Variants in CPNE4 observed in about 807,000 individuals in gnomAD.
CPNE4 encodes copine 4.
CPNE4 carries 25 observed loss-of-function variants against 67.9 expected under a neutral mutation model. The ratio of observed to expected loss-of-function variants is 0.37; its 90% CI spans 0.27 to 0.51. The LOEUF is 0.51. Among genes scored for constraint, CPNE4 ranks in the 20% least tolerant of loss-of-function variants. CPNE4 has a pLI of 0.93. For synonymous variants in CPNE4, 242 were observed against 244.9 expected (o/e 0.99, Z 0.11); for missense variants, 464 against 690.8 (o/e 0.67, Z 3.68).
intron 6 of CPNE4, among the ~76,000 whole-genome samples, chr3:131,679,381 C>A (rs115837438): frequency 1.3e-5 from 2 of 151,894 alleles, no homozygotes; most frequent in Admixed American, 6.6e-5. Flanking sequence ...AAAACCTGCT[C>A]CTGGATTCAT....
chr3:131,958,954 G>A (rs61793588), intron 1 of CPNE4, among the ~76,000 whole-genome samples: 12,900 of 58,144 alleles, frequency 0.22, 3,982 homozygotes, highest in East Asian at 0.34. Flanking sequence ...CACGGCTCCC[G>A]GCCTGATACA....
intron 7 of CPNE4, among the ~76,000 whole-genome samples, chr3:131,620,197 G>C (rs1253402113): frequency 1.3e-5 from 2 of 152,114 alleles, no homozygotes; most frequent in South Asian, 2.1e-4. Flanking sequence ...AAATGTAAAA[G>C]GTTTCTGGGA....
In CPNE4 at chr3:131,638,723, A is replaced by G. The variant is rs370153263; in HGVS notation, c.681+30952T>C. ...CCAACAACTGCAGAATATACATTCT[A>G]TTTATCAGCACATGGAACATTCTCC... On this transcript the variant is annotated intron_variant, in intron 7 of 15. Coordinates refer to ENST00000429747, the MANE Select transcript of CPNE4 (RefSeq NM_130808.3). Among the ~76,000 whole-genome samples the G allele has an allele frequency of 7.0e-4, 106 of 152,266 alleles. 3 individuals carry two copies. The South Asian group carries it at 0.021, about 30-fold the overall frequency.
chr3:131,724,266 T>C (rs1381685518), intron 2 of CPNE4, among the ~76,000 whole-genome samples: 1 of 152,160 alleles, frequency 6.6e-6, no homozygotes, highest in Non-Finnish European at 1.5e-5. Flanking sequence ...GTATGCCCTT[T>C]ATTAAGTGTA....
chr3:131,935,435 G>T (rs1253922471), intron 1 of CPNE4, among the ~76,000 whole-genome samples: 1 of 152,104 alleles, frequency 6.6e-6, no homozygotes, highest in East Asian at 1.9e-4. Context: ...CGATATTGGA[G>T]GTAGGGTTTT....
intron 2 of CPNE4, among the ~76,000 whole-genome samples, chr3:131,875,574 C>T (rs563109780): frequency 2.0e-5 from 3 of 151,862 alleles, no homozygotes; most frequent in East Asian, 1.9e-4. Flanking sequence ...AGCAAACTAT[C>T]GCAAGGACAA....
chr3:131,637,282 A>G (rs1045583665), intron 7 of CPNE4, among the ~76,000 whole-genome samples: 1 of 152,230 alleles, frequency 6.6e-6, no homozygotes. Flanking sequence ...ACTTAAAGAA[A>G]TAAAAAACAT....
chr3:131,736,687 A>T (rs1363342494), intron 2 of CPNE4, among the ~76,000 whole-genome samples: 1 of 151,466 alleles, frequency 6.6e-6, no homozygotes, highest in Non-Finnish European at 1.5e-5. Context: ...GTGGACACCC[A>T]GAGTTTAGGG....
At chr3:131,669,546 T>A (rs1471364149) in intron 7 of CPNE4, 129 bp downstream of exon 7, 10 of 644,340 alleles carry the variant, frequency 1.6e-5, no homozygotes, top group Admixed American at 2.7e-5. Context: ...TCCATCGAGA[T>A]GCTAAAAGAT....
At chr3:131,680,831 T>C (rs2080731841) in intron 6 of CPNE4, among the ~76,000 whole-genome samples, 1 of 152,094 alleles carries the variant, frequency 6.6e-6, no homozygotes, top group South Asian at 2.1e-4. Flanking sequence ...CTCCCACCCT[T>C]TCCCCTGCGT....
At chr3:131,710,990 C>G (rs1418587717) in intron 3 of CPNE4, among the ~76,000 whole-genome samples, 1 of 152,126 alleles carries the variant, frequency 6.6e-6, no homozygotes. Context: ...TAGCACCAAG[C>G]TCATGATTGC....
At chr3:131,665,369 T>A (rs1412053069) in intron 7 of CPNE4, among the ~76,000 whole-genome samples, 1 of 152,020 alleles carries the variant, frequency 6.6e-6, no homozygotes, top group African/African-American at 2.4e-5. Flanking sequence ...GTAGTATGAT[T>A]ATATATTTGG....
intron 1 of CPNE4, among the ~76,000 whole-genome samples, chr3:131,997,753 T>A (rs2073331530): frequency 6.6e-6 from 1 of 152,142 alleles, no homozygotes; most frequent in Non-Finnish European, 1.5e-5. Context: ...GGTATGAACA[T>A]TTAAAAACTT....
At chr3:131,757,462 A>G (rs2107807293) in intron 2 of CPNE4, among the ~76,000 whole-genome samples, 1 of 152,326 alleles carries the variant, frequency 6.6e-6, no homozygotes, top group Admixed American at 6.5e-5. Context: ...TATCTGTAAG[A>G]AGAAATTTCT....
At chr3:131,596,587 A>T (rs1274962524) in intron 7 of CPNE4, among the ~76,000 whole-genome samples, 2 of 117,934 alleles carry the variant, frequency 1.7e-5, no homozygotes, top group East Asian at 5.1e-4. Context: ...CCGCCACTGC[A>T]CTCCAGCCTG....
chr3:131,741,155 A>G (rs1384328311), intron 2 of CPNE4, among the ~76,000 whole-genome samples: 1 of 152,140 alleles, frequency 6.6e-6, no homozygotes, highest in African/African-American at 2.4e-5. Context: ...TGTAAATTCT[A>G]CTGTATTTCT....
chr3:131,540,627 G>A (rs1308990624), intron 15 of CPNE4, among the ~76,000 whole-genome samples: 1 of 152,184 alleles, frequency 6.6e-6, no homozygotes, highest in Non-Finnish European at 1.5e-5. Flanking sequence ...AGAGTCCAGT[G>A]TGAACCCAAG....
intron 7 of CPNE4, among the ~76,000 whole-genome samples, chr3:131,669,333 G>A (rs2080344618): frequency 6.6e-6 from 1 of 152,120 alleles, no homozygotes; most frequent in African/African-American, 2.4e-5. Context: ...ACTAAATTTT[G>A]CATTATTCTG....
At chr3:131,696,734 G>C (rs2107696906) in intron 4 of CPNE4, 118 bp from the exon 5 acceptor site, 1 of 884,642 alleles carries the variant, frequency 1.1e-6, no homozygotes, top group South Asian at 1.5e-5. Flanking sequence ...GTTGGGCAAA[G>C]AGTTTTTCCA....
Sources: gnomAD v4.1 joint callset for allele counts (sites outside exome capture counted in the v4.1 genomes callset) on GRCh38, gnomAD v4.1.1 for gene constraint, MANE v1.5 for transcripts, NCBI Gene and HGNC (gene_info 2026-07-23, HGNC 2026-07-21) for gene names.